Variants in PRDM9 observed in about 807,000 individuals in gnomAD.
PRDM9 encodes the protein PR/SET domain 9, also known as histone-lysine N-methyltransferase PRDM9.
A neutral mutation model predicts 55.6 loss-of-function variants in PRDM9; 47 were observed. The ratio of observed to expected loss-of-function variants is 0.85; its 90% CI spans 0.67 to 1.08. The LOEUF is 1.08. Among genes scored for constraint, PRDM9 ranks in the 50% least tolerant of loss-of-function variants. The pLI is 0.00. For synonymous variants in PRDM9, 312 were observed against 375.7 expected (o/e 0.83, Z 1.96); for missense variants, 867 against 1,040.3 (o/e 0.83, Z 2.29).
chr5:23,517,728 A>C (rs757617603), intron 4 of PRDM9, among the ~76,000 whole-genome samples, 153 bp from the exon 5 acceptor site: 1 of 152,194 alleles, frequency 6.6e-6, no homozygotes, highest in South Asian at 2.1e-4. Context: ...GGGAGGTTGC[A>C]GTGAGTGGAG....
At chr5:23,523,165 T>C (rs1739368035) in intron 8 of PRDM9, 126 bp from the exon 9 acceptor site, 1 of 1,191,862 alleles carries the variant, frequency 8.4e-7, no homozygotes, top group African/African-American at 1.5e-5. Context: ...CTAAGGTGCA[T>C]ACCATGTGGT....
At chr5:23,523,829 C>T (rs532576541) in intron 9 of PRDM9, among the ~76,000 whole-genome samples, 3 of 152,192 alleles carry the variant, frequency 2.0e-5, no homozygotes, top group Admixed American at 6.5e-5. Flanking sequence ...GAGAAAGAGA[C>T]TTCTAAGTTT....
chr5:23,525,233 G>C (rs1739408395), intron 10 of PRDM9, among the ~76,000 whole-genome samples: 1 of 152,204 alleles, frequency 6.6e-6, no homozygotes, highest in Non-Finnish European at 1.5e-5. Flanking sequence ...CTAGTGCAAT[G>C]GTCCTACGGC....
intron 5 of PRDM9, among the ~76,000 whole-genome samples, chr5:23,519,394 GT>G (rs1739282490): frequency 6.7e-6 from 1 of 149,946 alleles, no homozygotes; most frequent in Admixed American, 6.7e-5. Context: ...TTGAGACAGA[GT>G]TTCACTCTTG....
Position 23,526,438 on chromosome 5 carries a change from A to T in PRDM9, c.1350A>T (p.Lys450Asn). 6.2e-7 allele frequency: 1 copy of T among 1,614,200 alleles called. No homozygotes were observed. The highest frequency in any genetic ancestry group is 1.7e-5 in the Admixed American group (1 of 60,028). Residue 450 changes from lysine (K) to asparagine (N), a missense_variant, in exon 11 of 11, where the codon AAA becomes AAT. This residue lies in a region of PRDM9 where 662 missense variants were observed against 711.9 expected (regional missense o/e 0.93). Transcript: ENST00000296682. ...QYPDPHSRNDKTKGQEIKERS... is the reference protein window; with the variant it reads ...QYPDPHSRNDNTKGQEIKERS... ...CAGATCCACACAGCCGTAATGACAA[A>T]ACCAAAGGTCAAGAGATCAAAGAAA...
intron 4 of PRDM9, among the ~76,000 whole-genome samples, chr5:23,510,644 A>ATGG (rs1739076984): frequency 6.7e-6 from 1 of 150,064 alleles, no homozygotes; most frequent in Non-Finnish European, 1.5e-5. Flanking sequence ...GATGATGATG[A>ATGG]TGATGATGAT....
chr5:23,517,986 G>A lies in PRDM9; in HGVS notation c.351+56G>A, dbSNP rs1579591920. ...AACCTTCCTCATGGATCCAAACACA[G>A]GTAAGAGGAGGAGAATGTACAGACT... On this transcript the variant is annotated intron_variant, in intron 5 of 10. Transcript: ENST00000296682. 7.6e-6 allele frequency: 11 copies of A among 1,455,212 alleles called. No homozygotes were observed. In the East Asian group the frequency reaches 2.3e-4, roughly 30 times the overall value. The allele number at this position is 1,455,212 out of a possible 1,614,324, so 90.1% of individuals were successfully genotyped here.
chr5:23,508,137 G>T (rs987119162), intron 1 of PRDM9, among the ~76,000 whole-genome samples: 6 of 151,956 alleles, frequency 3.9e-5, no homozygotes, highest in African/African-American at 1.5e-4. Context: ...CTTAATGAGA[G>T]ATCCAAATCT....
chr5:23,524,529 T>G lies in PRDM9; in HGVS notation c.1144+2T>G, dbSNP rs771296922. ...AGAAAGAGCTCATGGCAGGGAGAGGTAGGCATCACTATTACTCTTTTAAAA... is the reference window on the plus strand; with the variant it reads ...AGAAAGAGCTCATGGCAGGGAGAGGGAGGCATCACTATTACTCTTTTAAAA... On this transcript the variant is annotated splice_donor_variant, in intron 10 of 10. Transcript: ENST00000296682. LOFTEE classifies it high-confidence loss of function. 68 of 1,613,438 alleles carry G rather than the reference T, an allele frequency of 4.2e-5. No individual in the cohort carries two copies. Among genetic ancestry groups the G allele is most frequent in the Non-Finnish European group, 2.5e-5 (30 of 1,179,692 alleles).
rs754157196 is a variant in PRDM9 at position 23,522,934 on chromosome 5, T to G, written c.882+49T>G. ...CTGTTCTGTCTTCCCACATCCCTTC[T>G]GTGCCTTTGGTGGGGCATAATCTTC... On this transcript the variant is annotated intron_variant, in intron 8 of 10. Coordinates refer to ENST00000296682, the MANE Select transcript of PRDM9 (RefSeq NM_020227.4). The G allele has an allele frequency of 1.9e-6, 3 of 1,614,024 alleles. No homozygotes were observed. The South Asian group carries it at 3.3e-5, about 18-fold the overall frequency.
chr5:23,516,478 T>C (rs1561018520), intron 4 of PRDM9, among the ~76,000 whole-genome samples: 1 of 151,392 alleles, frequency 6.6e-6, no homozygotes, highest in Non-Finnish European at 1.5e-5. Flanking sequence ...GTTCACGCCA[T>C]TCTCCTGCCT....
chr5:23,515,593 T>G (rs1739194850), intron 4 of PRDM9, among the ~76,000 whole-genome samples: 1 of 152,240 alleles, frequency 6.6e-6, no homozygotes, highest in Non-Finnish European at 1.5e-5. Context: ...ATTGTTCATT[T>G]CAATGTCATA....
Position 23,524,541 on chromosome 5 carries a change from T to C in PRDM9, c.1144+14T>C. The C allele has an allele frequency of 6.2e-7, 1 of 1,613,488 alleles. No individual in the cohort carries two copies. ...TGGCAGGGAGAGGTAGGCATCACTA[T>C]TACTCTTTTAAAAGGACAGGAAAGA... is the stretch of plus-strand genomic sequence containing the variant. On this transcript the variant is annotated intron_variant, in intron 10 of 10. Coordinates refer to ENST00000296682, the MANE Select transcript of PRDM9 (RefSeq NM_020227.4).
Position 23,526,269 on chromosome 5 carries a change from G to C in PRDM9, c.1181G>C (p.Cys394Ser), listed in dbSNP as rs750377658. The change falls in exon 11 of 11, where the codon TGT (cysteine) becomes TCT (serine). Residue 394 changes from cysteine to serine, a missense_variant. Around this residue, in one of 5 missense-constraint regions of PRDM9, gnomAD observed 662 missense variants for 711.9 expected, o/e 0.93. Transcript: ENST00000296682. ...KPEIHPCPSC[C>S]LAFSSQKFLS... is the part of the protein sequence containing the mutation. The stretch of plus-strand genomic sequence containing the variant: ...GAGATCCATCCATGTCCCTCATGCT[G>C]TCTGGCCTTTTCAAGTCAGAAATTT... 6.2e-7 allele frequency: 1 copy of C among 1,614,162 alleles called. No homozygotes were observed. The highest frequency in any genetic ancestry group is 1.1e-5 in the South Asian group (1 of 91,074).
chr5:23,507,831 T>C (rs1739015050), intron 1 of PRDM9, 119 bp downstream of exon 1: 1 of 151,774 alleles, frequency 6.6e-6, no homozygotes, highest in African/African-American at 2.4e-5. Context: ...CCTTGAGGGA[T>C]TTAAAATCCC....
chr5:23,518,274 G>T (rs1268361509), intron 5 of PRDM9, among the ~76,000 whole-genome samples: 1 of 152,168 alleles, frequency 6.6e-6, no homozygotes, highest in Non-Finnish European at 1.5e-5. Flanking sequence ...AAAATGTTCA[G>T]TTATATCCCT....
intron 9 of PRDM9, among the ~76,000 whole-genome samples, chr5:23,523,894 T>C (rs1246876784): frequency 6.6e-6 from 1 of 152,098 alleles, no homozygotes; most frequent in Non-Finnish European, 1.5e-5. Context: ...TGTAGGGTGA[T>C]TAGAGGAAGG....
Position 23,526,944 on chromosome 5 carries a change from G to C in PRDM9, c.1856G>C (p.Arg619Pro), listed in dbSNP as rs1410684355. 1 of 1,542,708 alleles carries C rather than the reference G, an allele frequency of 6.5e-7. No individual in the cohort carries two copies. Among genetic ancestry groups the C allele is most frequent in the Admixed American group, 1.8e-5 (1 of 55,990 alleles). ...AGGGAGTGTGGGCGGGGCTTTAGCC[G>C]GCAGTCAGTCCTCCTCACTCACCAG... ...VCRECGRGFS[R>P]QSVLLTHQRR... The change falls in exon 11 of 11, where the codon CGG (arginine) becomes CCG (proline). Residue 619 changes from arginine (R) to proline (P), a missense_variant. By Grantham distance (103) the Arg-to-Pro change is moderately radical. Transcript: ENST00000296682.
intron 4 of PRDM9, among the ~76,000 whole-genome samples, chr5:23,513,840 C>T (rs1487780868): frequency 2.6e-5 from 4 of 152,126 alleles, no homozygotes; most frequent in East Asian, 1.9e-4. Flanking sequence ...GATCACACCA[C>T]TGTACTGCAG....
Sources: allele counts gnomAD v4.1 joint callset (sites outside exome capture counted in the v4.1 genomes callset), GRCh38; gene constraint gnomAD v4.1.1; regional missense constraint gnomAD v4.1.1; transcripts MANE v1.5; gene names NCBI Gene and HGNC (gene_info 2026-07-23, HGNC 2026-07-21).